The following SEC16A variants were observed in gnomAD, a reference collection of about 807,000 sequenced individuals.
SEC16A encodes SEC16 homolog A, endoplasmic reticulum export factor, also known as protein transport protein Sec16A.
In SEC16A, 110 loss-of-function variants were observed where a neutral mutation model predicts 221.9. The ratio of observed to expected loss-of-function variants is 0.50; its 90% CI spans 0.42 to 0.58. The LOEUF (loss-of-function observed/expected upper bound fraction) is 0.58, where lower values mean the gene tolerates loss of function less well. SEC16A is among the 20% of genes least tolerant of loss of function. The pLI is 0.00. For synonymous variants in SEC16A, 1,393 were observed against 1,257.7 expected (o/e 1.11, Z -2.28); for missense variants, 3,165 against 3,097.8 (o/e 1.02, Z -0.52).
intron 30 of SEC16A, 44 bp from the exon 31 acceptor site, chr9:136,443,944 A>AGC: frequency 7.1e-7 from 1 of 1,409,772 alleles, no homozygotes; most frequent in Non-Finnish European, 9.7e-7. Flanking sequence ...TGCGCTGCAC[A>AGC]GCAGCTGTCA....
In SEC16A at chr9:136,466,239, G is replaced by C. The variant is rs775552933; in HGVS notation, c.4128+25C>G. On this transcript the variant is annotated intron_variant, in intron 7 of 31. Transcript: ENST00000684901. This position sits in a 1 kb window ranked among gnomAD's most constrained non-coding sequence, Gnocchi z 5.5. Reference sequence around the variant, plus strand: ...GGTGGTTCTAAACACAACCGTCCGCGTGTCTGTGAGGCGCCGCCGCGTACC... The same window carrying C: ...GGTGGTTCTAAACACAACCGTCCGCCTGTCTGTGAGGCGCCGCCGCGTACC... The C allele has an allele frequency of 5.0e-6, 8 of 1,588,696 alleles. No homozygotes were observed. The highest frequency in any genetic ancestry group is 3.3e-4 in the Middle Eastern group (2 of 5,978).
At chr9:136,451,525 A>G (rs1162592372) in intron 22 of SEC16A, 117 bp from the exon 23 acceptor site, 1 of 1,208,170 alleles carries the variant, frequency 8.3e-7, no homozygotes, top group Non-Finnish European at 1.1e-6. Flanking sequence ...AGGCCGGATG[A>G]CTCTGGTGAC....
Position 136,446,948 on chromosome 9 carries a change from A to T in SEC16A, c.6699T>A (p.Asp2233Glu), listed in dbSNP as rs774542326. 6.2e-7 allele frequency: 1 copy of T among 1,613,630 alleles called. No individual in the cohort carries two copies. Among genetic ancestry groups the T allele is most frequent in the Admixed American group, 1.7e-5 (1 of 60,020 alleles). ...CGTCTGGAAGCTGTGGTTCTTCTGC[A>T]TCTGGGGATGAGAGAGCGAGGAGGC... ...IPSNLFVPTP[D>E]AEEPQLPDGT... Residue 2233 changes from aspartate (D) to glutamate (E), a missense_variant and splice_region_variant, in exon 28 of 32, where the codon GAT becomes GAA. By Grantham distance (45) the Asp-to-Glu change is conservative. This residue lies in a region of SEC16A where 1,088 missense variants were observed against 1,089.6 expected (regional missense o/e 1.00). Coordinates refer to ENST00000684901, the MANE Select transcript of SEC16A (RefSeq NM_014866.2).
Position 136,467,133 on chromosome 9 carries a change from T to C in SEC16A, c.3803-50A>G, listed in dbSNP as rs908575821. 1.7e-5 allele frequency: 28 copies of C among 1,607,836 alleles called. No individual in the cohort carries two copies. In the East Asian group the frequency reaches 6.3e-4, roughly 36 times the overall value. On this transcript the variant is annotated intron_variant, in intron 5 of 31. Transcript: ENST00000684901. Reference sequence around the variant, plus strand: ...ATACAGTAACATGCAAAAGAAGAAATGCCTCAGATATCACTAAAGAAGCGA... The same window carrying C: ...ATACAGTAACATGCAAAAGAAGAAACGCCTCAGATATCACTAAAGAAGCGA...
At chr9:136,449,214 G>A (rs12684275) in intron 23 of SEC16A, among the ~76,000 whole-genome samples, 7,119 of 152,236 alleles carry the variant, frequency 0.047, 276 homozygotes, top group African/African-American at 0.098. Context: ...CGGTTATTAG[G>A]AAACTTTACT....
At chr9:136,448,052 C>T (rs764031844) in intron 24 of SEC16A, 32 bp downstream of exon 24, 13 of 1,587,476 alleles carry the variant, frequency 8.2e-6, no homozygotes, top group Admixed American at 5.2e-5. Flanking sequence ...TACAATTCTT[C>T]GGACGTCCCG....
intron 3 of SEC16A, among the ~76,000 whole-genome samples, chr9:136,472,919 C>T (rs753767933): frequency 2.0e-5 from 3 of 152,242 alleles, no homozygotes; most frequent in Admixed American, 6.5e-5. Context: ...GCAGGAGGAC[C>T]GGACAAAGGA....
rs554283577 is a variant in SEC16A at position 136,481,341 on chromosome 9, T to C, written c.-192+1597A>G. ...TTTCAGTAGAGACGGGGTTTCACCG[T>C]GTTAGCCAGGATGGTCTCGATCTCC... On this transcript the variant is annotated intron_variant, in intron 1 of 31. Transcript: ENST00000684901. Among the ~76,000 whole-genome samples, 8 of 152,196 alleles carry C rather than the reference T, an allele frequency of 5.3e-5. No homozygotes were observed. In the South Asian group the frequency reaches 8.3e-4, roughly 16 times the overall value.
chr9:136,462,433 G>A (rs1041527747), intron 12 of SEC16A, among the ~76,000 whole-genome samples: 3 of 152,164 alleles, frequency 2.0e-5, no homozygotes, highest in Admixed American at 6.5e-5. Flanking sequence ...GACGCTACAC[G>A]CACTGGCTGC....
At chr9:136,463,647 C>G (rs997455296) in intron 10 of SEC16A, 32 bp downstream of exon 10, 2 of 1,613,488 alleles carry the variant, frequency 1.2e-6, no homozygotes, top group African/African-American at 2.7e-5. Context: ...CAAGGCCGGG[C>G]TCACAAAGAA....
rs535554712 is a variant in SEC16A, at chr9:136,441,255, G to A, written c.*500C>T. 7.5e-5 allele frequency: 12 copies of A among 159,314 alleles called. No individual in the cohort carries two copies. The highest frequency in any genetic ancestry group is 2.4e-4 in the African/African-American group (10 of 41,806). 9.9% of individuals were successfully genotyped at this position (159,314 alleles called of 1,614,324 possible). A position where few individuals can be genotyped will look rare whatever the true frequency, so the allele number is the denominator to read the frequency against. ...ACTCATTCAGCCAGGTTCAAACACG[G>A]CGAGGGCCCAGATGGTGCAGAGCAG... On this transcript the variant is annotated 3_prime_UTR_variant, in exon 32 of 32. Coordinates refer to ENST00000684901, the MANE Select transcript of SEC16A (RefSeq NM_014866.2).
At chr9:136,465,071 G>A (rs1297564423) in intron 8 of SEC16A, among the ~76,000 whole-genome samples, 5 of 152,124 alleles carry the variant, frequency 3.3e-5, no homozygotes, top group South Asian at 2.1e-4. Context: ...GACCATGACC[G>A]TGCCACTGCA....
At chr9:136,471,834 A>G in intron 4 of SEC16A, 141 bp downstream of exon 4, 1 of 1,034,700 alleles carries the variant, frequency 9.7e-7, no homozygotes, top group Non-Finnish European at 1.4e-6. Context: ...ATACCAAGAA[A>G]ATGTCAACAT....
intron 23 of SEC16A, chr9:136,448,833 A>G: frequency 2.8e-6 from 2 of 709,114 alleles, no homozygotes; most frequent in South Asian, 1.5e-5. Context: ...TGGGAAGCAG[A>G]TCCAGAGACA....
At chr9:136,457,628 C>A in intron 17 of SEC16A, 44 bp from the exon 18 acceptor site, 1 of 1,577,132 alleles carries the variant, frequency 6.3e-7, no homozygotes, top group South Asian at 1.2e-5. Context: ...CCCCCGCGTC[C>A]GAGCATCGCC....
rs1486763869 is a variant in SEC16A at position 136,475,190 on chromosome 9, G to T, written c.2426C>A (p.Ser809Tyr). The change falls in exon 3 of 32, where the codon TCT (serine) becomes TAT (tyrosine). Residue 809 changes from serine to tyrosine, a missense_variant. By Grantham distance (144) the Ser-to-Tyr change is moderately radical. Around this residue, in one of 3 missense-constraint regions of SEC16A, gnomAD observed 2,030 missense variants for 1,923.1 expected, o/e 1.06. Coordinates refer to ENST00000684901, the MANE Select transcript of SEC16A (RefSeq NM_014866.2). The surrounding 1 kb of genome is among the most constrained non-coding windows in gnomAD (Gnocchi z 5.0). ...TGAGGATAATAAACTTGCATAACCAGAACTCGCCTGGGACTGAAGGGCCTC... is the reference window on the plus strand; with the variant it reads ...TGAGGATAATAAACTTGCATAACCATAACTCGCCTGGGACTGAAGGGCCTC... Reference protein sequence around the residue: ...EEEALQSQASSGYASLLSSPP... With the variant: ...EEEALQSQASYGYASLLSSPP... 1.2e-6 allele frequency: 2 copies of T among 1,613,814 alleles called. No homozygotes were observed.
rs746788086 is a variant in SEC16A at position 136,476,671 on chromosome 9, T to A, written c.945A>T (p.Pro315=). 2.5e-6 allele frequency: 4 copies of A among 1,570,382 alleles called. No homozygotes were observed. In the South Asian group the frequency reaches 4.7e-5, roughly 19 times the overall value. The change falls in exon 3 of 32, where the codon CCA becomes CCT. Residue 315 remains proline (P), a synonymous_variant. Transcript: ENST00000684901. ...TCACTCCTGGATTCTGCCTGAGCTC[T>A]GGGCTTGCCCAGTGATTCACAATTC... ...NPRIVNHWAS[P]ELRQNPGVKN...
chr9:136,475,981 T>G lies in SEC16A; in HGVS notation c.1635A>C (p.Thr545=). The G allele has an allele frequency of 6.2e-7, 1 of 1,613,498 alleles. No homozygotes were observed. ...GSARPQELVG[T]FIQQEVGKPE... ...GTTTTCCAACTTCTTGCTGAATGAA[T>G]GTGCCAACCAGCTCCTGGGGCCTGG... is the stretch of plus-strand genomic sequence containing the variant. Residue 545 remains threonine, a synonymous_variant, in exon 3 of 32, where the codon ACA becomes ACC. Coordinates refer to ENST00000684901, the MANE Select transcript of SEC16A (RefSeq NM_014866.2). The surrounding 1 kb of genome is among the most constrained non-coding windows in gnomAD (Gnocchi z 5.0).
chr9:136,479,449 T>G (rs1842046611), intron 1 of SEC16A, among the ~76,000 whole-genome samples: 1 of 151,868 alleles, frequency 6.6e-6, no homozygotes, highest in Non-Finnish European at 1.5e-5. Flanking sequence ...GCCTCCCAGG[T>G]TCATGCCATT....
Sources: gnomAD v4.1 joint callset for allele counts (sites outside exome capture counted in the v4.1 genomes callset) on GRCh38, gnomAD v4.1.1 for gene constraint, gnomAD v4.1.1 regional missense constraint, Gnocchi (gnomAD v3.1) non-coding constraint, MANE v1.5 for transcripts, NCBI Gene and HGNC (gene_info 2026-07-23, HGNC 2026-07-21) for gene names.